Variants in LAMA2 observed in about 807,000 individuals in gnomAD.
LAMA2 encodes laminin subunit alpha 2.
Under a neutral mutation model 364.8 loss-of-function variants are expected in LAMA2, and 269 were observed. The observed-to-expected ratio is 0.74, with a 90% CI of 0.67 to 0.82. The LOEUF (loss-of-function observed/expected upper bound fraction) is 0.82. Among genes scored for constraint, LAMA2 ranks in the 40% least tolerant of loss-of-function variants. The pLI, the probability that LAMA2 is intolerant of heterozygous loss-of-function variation, is 0.00. For synonymous variants in LAMA2, 1,379 were observed against 1,370.6 expected, an observed-to-expected ratio of 1.01 and a Z score of -0.14; for missense variants, 3,807 against 3,873.2, an observed-to-expected ratio of 0.98 and a Z score of 0.45.
Position 129,516,244 on chromosome 6 carries a change from G to A in LAMA2, c.9266G>A (p.Arg3089Lys). 6.2e-7 allele frequency: 1 copy of A among 1,614,092 alleles called. No individual in the cohort carries two copies. The highest frequency in any genetic ancestry group is 8.5e-7 in the Non-Finnish European group (1 of 1,180,008). ...AGTATTCCGTTCCGAGGTTGCATCA[G>A]ATCCCTGAAGCTCACCAAAGGCACA... The part of the protein sequence containing the change: ...TTSIPFRGCI[R>K]SLKLTKGTGK... The change falls in exon 65 of 65, where the codon AGA becomes AAA. Residue 3089 changes from arginine to lysine, a missense_variant. Arg to Lys is a conservative substitution (Grantham distance 26, BLOSUM62 2). Coordinates refer to ENST00000421865, the MANE Select transcript of LAMA2 (RefSeq NM_000426.4).
intron 12 of LAMA2, among the ~76,000 whole-genome samples, chr6:129,197,566 TCTCC>T (rs2115044322): frequency 6.6e-6 from 1 of 152,316 alleles, no homozygotes; most frequent in East Asian, 1.9e-4. Flanking sequence ...GCAACTTTCG[TCTCC>T]CTAAAATATA....
At chr6:129,431,835 G>A (rs757305542) in intron 41 of LAMA2, among the ~76,000 whole-genome samples, 14 of 152,096 alleles carry the variant, frequency 9.2e-5, no homozygotes, top group Admixed American at 2.0e-4. Context: ...CAGTCATTCC[G>A]TTCAGACAAG....
At chr6:128,903,552 C>T (rs35822226) in intron 1 of LAMA2, among the ~76,000 whole-genome samples, 1 of 151,954 alleles carries the variant, frequency 6.6e-6, no homozygotes, top group East Asian at 1.9e-4. Flanking sequence ...AAATGAGATA[C>T]AACTTATGGA....
At chr6:129,179,951 G>A in intron 10 of LAMA2, among the ~76,000 whole-genome samples, 1 of 152,040 alleles carries the variant, frequency 6.6e-6, no homozygotes, top group East Asian at 1.9e-4. Context: ...CTACAATTAA[G>A]TGCCTACAGT....
chr6:129,509,741 G>A (rs972740532), intron 62 of LAMA2, among the ~76,000 whole-genome samples: 1 of 152,064 alleles, frequency 6.6e-6, no homozygotes, highest in Admixed American at 6.6e-5. Context: ...GTACTATGCC[G>A]TTTGGCTTAC....
intron 8 of LAMA2, among the ~76,000 whole-genome samples, chr6:129,155,791 A>T (rs1329876777): frequency 6.6e-6 from 1 of 152,050 alleles, no homozygotes; most frequent in African/African-American, 2.4e-5. Context: ...TCTAGAATTT[A>T]GGTAATATAA....
intron 12 of LAMA2, among the ~76,000 whole-genome samples, chr6:129,229,099 C>G (rs1784511759): frequency 1.3e-5 from 2 of 152,084 alleles, no homozygotes; most frequent in African/African-American, 4.8e-5. Context: ...AGTTTCCAAA[C>G]AGTGAATACA....
intron 1 of LAMA2, among the ~76,000 whole-genome samples, chr6:128,896,634 T>C (rs1776794214): frequency 6.6e-6 from 1 of 152,212 alleles, no homozygotes; most frequent in Non-Finnish European, 1.5e-5. Flanking sequence ...CTCCATAGAG[T>C]TCCTGATGTG....
At chr6:129,117,093 C>T (rs1356519868) in intron 4 of LAMA2, among the ~76,000 whole-genome samples, 2 of 151,984 alleles carry the variant, frequency 1.3e-5, no homozygotes, top group African/African-American at 4.8e-5. Context: ...AATTTTCAGA[C>T]AATTAGGGCC....
intron 36 of LAMA2, among the ~76,000 whole-genome samples, chr6:129,392,177 G>T (rs554261139): frequency 1.3e-5 from 2 of 152,164 alleles, no homozygotes; most frequent in East Asian, 1.9e-4. Context: ...GAATATGAGG[G>T]TTGGGAAAAG....
At chr6:129,438,575 A>G in intron 41 of LAMA2, 71 bp from the exon 42 acceptor site, 1 of 749,918 alleles carries the variant, frequency 1.3e-6, no homozygotes, top group Non-Finnish European at 2.4e-6. Flanking sequence ...ATAACCTGAA[A>G]TTGCACATCC....
rs2114345203 is a variant in LAMA2, at chr6:129,267,210, A to G, written c.2313A>G (p.Gly771=). Residue 771 remains glycine, a synonymous_variant, in exon 16 of 65, where the codon GGA becomes GGG. Coordinates refer to ENST00000421865, the MANE Select transcript of LAMA2 (RefSeq NM_000426.4). ...CGGAGTCCTGTGATGACGTCACTGGAGAATGCCTGGTAAGTGCTCTCTTCT... is the reference window on the plus strand; with the variant it reads ...CGGAGTCCTGTGATGACGTCACTGGGGAATGCCTGGTAAGTGCTCTCTTCT... The part of the protein sequence containing the change: ...GHAESCDDVT[G]ECLNCKDHTG... The G allele has an allele frequency of 6.2e-7, 1 of 1,604,988 alleles. No homozygotes were observed. The highest frequency in any genetic ancestry group is 8.5e-7 in the Non-Finnish European group (1 of 1,171,884).
chr6:129,254,934 A>G (rs1786530310), intron 14 of LAMA2, among the ~76,000 whole-genome samples: 1 of 152,138 alleles, frequency 6.6e-6, no homozygotes, highest in African/African-American at 2.4e-5. Context: ...AGTTCACCAA[A>G]TTTCCAATCT....
At chr6:128,945,439 C>T (rs983620205) in intron 1 of LAMA2, among the ~76,000 whole-genome samples, 1 of 152,182 alleles carries the variant, frequency 6.6e-6, no homozygotes, top group Non-Finnish European at 1.5e-5. Flanking sequence ...AGAACAGCTG[C>T]TTTTTCTTAT....
At chr6:128,898,055 T>C (rs1030610321) in intron 1 of LAMA2, among the ~76,000 whole-genome samples, 1 of 152,118 alleles carries the variant, frequency 6.6e-6, no homozygotes, top group Non-Finnish European at 1.5e-5. Flanking sequence ...TAGTAGTGCC[T>C]TTTTAAGGAT....
rs1398817300 is a variant in LAMA2 at position 129,236,714 on chromosome 6, CAT to C, written c.1783-13397_1783-13396del. Among the ~76,000 whole-genome samples the C allele has an allele frequency of 4.6e-5, 7 of 152,132 alleles. No individual in the cohort carries two copies. The South Asian group carries it at 8.3e-4, about 18-fold the overall frequency. ...ATGTTTTAATAGATTAATATATACT[CAT>C]GTGTATATATGTACATGCACACTCA... On this transcript the variant is annotated intron_variant, in intron 12 of 64. Transcript: ENST00000421865.
At chr6:129,417,267 G>A (rs1404106767) in intron 40 of LAMA2, among the ~76,000 whole-genome samples, 1 of 152,140 alleles carries the variant, frequency 6.6e-6, no homozygotes, top group Non-Finnish European at 1.5e-5. Context: ...GAGTGACAGT[G>A]CAACTCTCAG....
At chr6:129,490,135 G>T (rs746308157) in intron 56 of LAMA2, among the ~76,000 whole-genome samples, 1 of 152,164 alleles carries the variant, frequency 6.6e-6, no homozygotes, top group Non-Finnish European at 1.5e-5. Context: ...GTTCCTAAAA[G>T]GTAAAATAGG....
chr6:129,252,306 G>A lies in LAMA2; in HGVS notation c.2096+11G>A, dbSNP rs750943659. 5 of 1,596,786 alleles carry A rather than the reference G, an allele frequency of 3.1e-6. No homozygotes were observed. The highest frequency in any genetic ancestry group is 1.7e-5 in the Admixed American group (1 of 59,982). On this transcript the variant is annotated intron_variant, in intron 14 of 64. Transcript: ENST00000421865. The stretch of plus-strand genomic sequence containing the variant: ...GGATGCCATCTTCAGGTAAAATCAA[G>A]AACTGCAGCTCCAACGTTCACACAT...
Sources: allele counts gnomAD v4.1 joint callset (sites outside exome capture counted in the v4.1 genomes callset), GRCh38; gene constraint gnomAD v4.1.1; transcripts MANE v1.5; gene names NCBI Gene and HGNC (gene_info 2026-07-23, HGNC 2026-07-21).